RAPGEF4: variants seen among roughly 807,000 people sequenced by gnomAD.
RAPGEF4 encodes Rap guanine nucleotide exchange factor 4.
RAPGEF4 carries 66 observed loss-of-function variants against 147.9 expected under a neutral mutation model. The observed-to-expected ratio is 0.45, with a 90% CI of 0.37 to 0.55. The LOEUF (loss-of-function observed/expected upper bound fraction) is 0.55. Ranked by LOEUF, RAPGEF4 falls within the 20% of genes least tolerant of loss-of-function variation. The pLI, the probability that RAPGEF4 is intolerant of heterozygous loss-of-function variation, is 0.00. For missense variants in RAPGEF4, 1,071 were observed against 1,257.3 expected (o/e 0.85, Z 2.24); for synonymous variants, 419 against 442.7 (o/e 0.95, Z 0.67).
intron 23 of RAPGEF4, among the ~76,000 whole-genome samples, chr2:173,021,654 G>A (rs571122602): frequency 1.1e-3 from 167 of 152,208 alleles, no homozygotes; most frequent in Non-Finnish European, 2.1e-3. Context: ...CAATTTTAGG[G>A]AGAGAGTTTA....
chr2:172,778,402 C>T (rs1262377194), intron 1 of RAPGEF4, among the ~76,000 whole-genome samples: 1 of 152,158 alleles, frequency 6.6e-6, no homozygotes, highest in Admixed American at 6.5e-5. Flanking sequence ...ACCCACTTTT[C>T]TATTTCTGTC....
intron 6 of RAPGEF4, among the ~76,000 whole-genome samples, chr2:172,924,076 T>C (rs916730897): frequency 6.6e-6 from 1 of 152,222 alleles, no homozygotes; most frequent in Non-Finnish European, 1.5e-5. Context: ...TGTCCCAAAT[T>C]ATCCATCCTA....
intron 4 of RAPGEF4, among the ~76,000 whole-genome samples, chr2:172,883,355 C>T (rs139272516): frequency 6.6e-6 from 1 of 152,120 alleles, no homozygotes; most frequent in Non-Finnish European, 1.5e-5. Context: ...CAACTCACAG[C>T]CTCAAGCTCC....
rs1697039645 is a variant in RAPGEF4 at position 173,030,085 on chromosome 2, A to G, written c.2559-79A>G. The G allele has an allele frequency of 1.5e-5, 14 of 937,330 alleles. 1 individual carries two copies. In the South Asian group the frequency reaches 1.8e-4, roughly 12 times the overall value. 58.1% of individuals were successfully genotyped at this position (937,330 alleles called of 1,614,324 possible). A position where few individuals can be genotyped will look rare whatever the true frequency, so the allele number is the denominator to read the frequency against. On this transcript the variant is annotated intron_variant, in intron 25 of 30. Transcript: ENST00000397081. ...TGAGCCCTGACAAATATTAATGACT[A>G]TCAGAAAATAGAACTCTAATTTTTT...
At chr2:172,764,496 G>A (rs190506841) in intron 1 of RAPGEF4, among the ~76,000 whole-genome samples, 6 of 152,282 alleles carry the variant, frequency 3.9e-5, no homozygotes, top group East Asian at 1.9e-4. Flanking sequence ...AAATGTAGTC[G>A]AAGGAGTGTA....
chr2:172,995,291 T>TGTGTGTG (rs1559171296), intron 15 of RAPGEF4, among the ~76,000 whole-genome samples: 12 of 138,742 alleles, frequency 8.6e-5, no homozygotes, highest in African/African-American at 3.5e-4. Flanking sequence ...GTGTGTGTGT[T>TGTGTGTG]TGTATTTTGA....
At chr2:172,856,448 T>C (rs1693420970) in intron 4 of RAPGEF4, among the ~76,000 whole-genome samples, 2 of 152,202 alleles carry the variant, frequency 1.3e-5, no homozygotes. Context: ...CTTTTGAGGA[T>C]GGGTTATTTT....
rs1281888726 is a variant in RAPGEF4, at chr2:172,736,057, C to G, written c.65+9C>G. 3.1e-5 allele frequency: 37 copies of G among 1,206,606 alleles called. No homozygotes were observed. Among genetic ancestry groups the G allele is most frequent in the East Asian group, 7.2e-5 (2 of 27,774 alleles). 74.7% of individuals were successfully genotyped at this position (1,206,606 alleles called of 1,614,324 possible). A position where few individuals can be genotyped will look rare whatever the true frequency, so the allele number is the denominator to read the frequency against. On this transcript the variant is annotated intron_variant, in intron 1 of 30. Coordinates refer to ENST00000397081, the MANE Select transcript of RAPGEF4 (RefSeq NM_007023.4). ...GCCTGCCTGGATAAAAGGTAGCTCG[C>G]CGGGGGCCGCAGCCGGGGGCCGAGC...
rs564205366 is a variant in RAPGEF4 at position 173,037,893 on chromosome 2, T to A, written c.2853+1201T>A. On this transcript the variant is annotated intron_variant, in intron 29 of 30. Transcript: ENST00000397081. ...TGCTATAGACTTCTTATCAGAAAACTGTTATTCTAGTTGTTTCTTGAAATC... is the reference window on the plus strand; with the variant it reads ...TGCTATAGACTTCTTATCAGAAAACAGTTATTCTAGTTGTTTCTTGAAATC... 9.8e-5 allele frequency among the ~76,000 whole-genome samples: 15 copies of A among 152,294 alleles called. No homozygotes were observed. The South Asian group carries it at 1.7e-3, about 17-fold the overall frequency.
chr2:172,968,726 A>T (rs1301894824), intron 10 of RAPGEF4, among the ~76,000 whole-genome samples: 1 of 152,188 alleles, frequency 6.6e-6, no homozygotes, highest in African/African-American at 2.4e-5. Flanking sequence ...CATAAGCAGG[A>T]GTGGGGTCCA....
At chr2:172,839,036 A>G (rs1321403567) in intron 4 of RAPGEF4, among the ~76,000 whole-genome samples, 1 of 148,006 alleles carries the variant, frequency 6.8e-6, no homozygotes, top group Non-Finnish European at 1.5e-5. Flanking sequence ...GGTCTCCATG[A>G]CCCCTCCCCT....
intron 4 of RAPGEF4, among the ~76,000 whole-genome samples, chr2:172,833,588 G>A (rs563378378): frequency 6.6e-6 from 1 of 152,066 alleles, no homozygotes. Flanking sequence ...GTCTGTGAAT[G>A]GCTGGTTCAC....
At chr2:172,874,807 C>T (rs935785123) in intron 4 of RAPGEF4, among the ~76,000 whole-genome samples, 4 of 152,164 alleles carry the variant, frequency 2.6e-5, no homozygotes, top group Non-Finnish European at 5.9e-5. Context: ...GTTCTAGATC[C>T]CTGAGGAATC....
At chr2:172,907,940 A>G (rs1327733059) in intron 4 of RAPGEF4, among the ~76,000 whole-genome samples, 1 of 152,192 alleles carries the variant, frequency 6.6e-6, no homozygotes, top group Non-Finnish European at 1.5e-5. Flanking sequence ...CTGTTATCCC[A>G]GTTTCCTTAC....
chr2:172,896,584 C>A lies in RAPGEF4; in HGVS notation c.445-21218C>A, dbSNP rs377079991. Among the ~76,000 whole-genome samples the A allele has an allele frequency of 9.2e-5, 14 of 151,830 alleles. No homozygotes were observed. The East Asian group carries it at 1.6e-3, about 17-fold the overall frequency. On this transcript the variant is annotated intron_variant, in intron 4 of 30. Transcript: ENST00000397081. ...TGCCACCAACACCATCCCACCCCCC[C>A]CCAAAAAAATCCAGTTTTGGTTAAG...
intron 10 of RAPGEF4, among the ~76,000 whole-genome samples, chr2:172,979,874 C>T (rs973624957): frequency 2.0e-5 from 3 of 152,184 alleles, no homozygotes; most frequent in African/African-American, 7.2e-5. Flanking sequence ...AAAAATTAGC[C>T]AGACGTGGTG....
chr2:172,746,926 A>G (rs1169837363), intron 1 of RAPGEF4, among the ~76,000 whole-genome samples: 1 of 152,194 alleles, frequency 6.6e-6, no homozygotes, highest in Non-Finnish European at 1.5e-5. Context: ...AATATTACTT[A>G]TAAATTGGTG....
chr2:172,823,080 G>A (rs777916603), intron 4 of RAPGEF4, among the ~76,000 whole-genome samples: 6 of 152,222 alleles, frequency 3.9e-5, no homozygotes, highest in Non-Finnish European at 7.3e-5. Context: ...GCGTGCTAAA[G>A]GACAGGGGCA....
intron 9 of RAPGEF4, 104 bp downstream of exon 9, chr2:172,965,787 C>A: frequency 1.4e-6 from 2 of 1,439,358 alleles, no homozygotes; most frequent in South Asian, 2.5e-5. Context: ...GAATTACGAT[C>A]CCTTTAGGGA....
Sources: gnomAD v4.1 joint callset for allele counts (sites outside exome capture counted in the v4.1 genomes callset) on GRCh38, gnomAD v4.1.1 for gene constraint, MANE v1.5 for transcripts, NCBI Gene and HGNC (gene_info 2026-07-23, HGNC 2026-07-21) for gene names.